SPACA7: variants seen among roughly 807,000 people sequenced by gnomAD.
SPACA7 encodes the protein sperm acrosome-associated protein 7.
Under a neutral mutation model 26.3 loss-of-function variants are expected in SPACA7, and 19 were observed. The ratio of observed to expected loss-of-function variants is 0.72; its 90% CI spans 0.50 to 1.06. SPACA7 has a LOEUF of 1.06. Among genes scored for constraint, SPACA7 ranks in the 50% least tolerant of loss-of-function variants. The probability of loss-of-function intolerance (pLI) is 0.00; values close to 1 mark genes in which losing one functional copy is unlikely to be tolerated. For synonymous variants in SPACA7, 84 were observed against 84.5 expected, an observed-to-expected ratio of 0.99 and a Z score of 0.04; for missense variants, 211 against 229.9, an observed-to-expected ratio of 0.92 and a Z score of 0.53.
At chr13:112,391,503 C>T (rs1372940026) in intron 1 of SPACA7, among the ~76,000 whole-genome samples, 4 of 152,170 alleles carry the variant, frequency 2.6e-5, no homozygotes, top group African/African-American at 4.8e-5. Context: ...ACAGGGAACC[C>T]TTTCACGGAG....
intron 6 of SPACA7, among the ~76,000 whole-genome samples, chr13:112,433,023 G>C (rs1877323928): frequency 1.3e-5 from 2 of 152,178 alleles, no homozygotes; most frequent in Admixed American, 1.3e-4. Context: ...AGATCCTGTG[G>C]CTTCTGTCCC....
chr13:112,432,205 T>C (rs1164828494), intron 5 of SPACA7, among the ~76,000 whole-genome samples: 3 of 152,136 alleles, frequency 2.0e-5, no homozygotes, highest in Non-Finnish European at 4.4e-5. Context: ...CACAAAGATG[T>C]AGGACTCCAC....
intron 5 of SPACA7, among the ~76,000 whole-genome samples, chr13:112,426,533 C>A (rs76827091): frequency 0.033 from 4,986 of 152,298 alleles, 94 homozygotes; most frequent in Middle Eastern, 0.065. Flanking sequence ...GTCTTCCTAC[C>A]TATGAGCAAC....
chr13:112,382,316 T>C, intron 1 of SPACA7: 2 of 1,021,256 alleles, frequency 2.0e-6, no homozygotes, highest in Non-Finnish European at 2.8e-6. Flanking sequence ...CAGAGGCGCC[T>C]CTCGATTTCT....
intron 5 of SPACA7, among the ~76,000 whole-genome samples, chr13:112,423,910 A>AT (rs933223432): frequency 1.3e-5 from 2 of 152,328 alleles, no homozygotes; most frequent in Non-Finnish European, 2.9e-5. Context: ...TCTTCAAACG[A>AT]TTTTTTTAAA....
chr13:112,387,798 T>C (rs879330527), intron 1 of SPACA7, among the ~76,000 whole-genome samples: 2 of 152,212 alleles, frequency 1.3e-5, no homozygotes, highest in Non-Finnish European at 2.9e-5. Context: ...TGCAAGATGC[T>C]GCCCAGTGGG....
At chr13:112,382,260 T>C (rs1042381684) in intron 1 of SPACA7, 4 of 576,270 alleles carry the variant, frequency 6.9e-6, no homozygotes, top group Admixed American at 7.1e-5. Flanking sequence ...TTGTTTTGTT[T>C]TGTTTTGTTT....
chr13:112,415,150 C>A (rs1263371539), intron 5 of SPACA7, among the ~76,000 whole-genome samples: 1 of 152,238 alleles, frequency 6.6e-6, no homozygotes, highest in African/African-American at 2.4e-5. Flanking sequence ...CCCTCACTCA[C>A]TTCCCTCTGT....
chr13:112,383,091 A>AG (rs1325861928), intron 1 of SPACA7, among the ~76,000 whole-genome samples: 37 of 88,990 alleles, frequency 4.2e-4, no homozygotes, highest in African/African-American at 1.3e-3. Flanking sequence ...AAAAAGAAAG[A>AG]AAGAAAGAAG....
chr13:112,389,643 A>G (rs1251381390), intron 1 of SPACA7, among the ~76,000 whole-genome samples: 1 of 152,224 alleles, frequency 6.6e-6, no homozygotes, highest in Admixed American at 6.5e-5. Flanking sequence ...AATACCATCC[A>G]GAGGTAGAAA....
chr13:112,418,107 T>C (rs1256948006), intron 5 of SPACA7, among the ~76,000 whole-genome samples: 1 of 152,188 alleles, frequency 6.6e-6, no homozygotes, highest in Non-Finnish European at 1.5e-5. Flanking sequence ...TATTTGTGTT[T>C]GCCAACGTTG....
intron 4 of SPACA7, among the ~76,000 whole-genome samples, chr13:112,400,380 G>T (rs1388623257): frequency 1.3e-5 from 2 of 152,178 alleles, no homozygotes; most frequent in African/African-American, 4.8e-5. Context: ...TTGCCAACTG[G>T]CGAGTTTCTC....
At chr13:112,403,214 T>G (rs1336869824) in intron 5 of SPACA7, among the ~76,000 whole-genome samples, 4 of 152,176 alleles carry the variant, frequency 2.6e-5, no homozygotes, top group African/African-American at 9.6e-5. Flanking sequence ...GCCATCTATA[T>G]TTCCCTAGGA....
At chr13:112,412,324 T>G (rs1886403628) in intron 5 of SPACA7, among the ~76,000 whole-genome samples, 1 of 152,148 alleles carries the variant, frequency 6.6e-6, no homozygotes, top group African/African-American at 2.4e-5. Context: ...CAGAGTTGTT[T>G]GAGTTCCTTA....
chr13:112,383,045 A>AGAGAGAGAGAGAGAGAGAGAGAAAGG (rs781245231), intron 1 of SPACA7, among the ~76,000 whole-genome samples: 3 of 134,948 alleles, frequency 2.2e-5, no homozygotes, highest in Admixed American at 1.5e-4. Context: ...AGAGAGAAAG[A>AGAGAGAGAGAGAGAGAGAGAGAAAGG]CAGAAGGAAA....
chr13:112,421,890 A>T (rs942945814), intron 5 of SPACA7, among the ~76,000 whole-genome samples: 4 of 152,198 alleles, frequency 2.6e-5, no homozygotes, highest in African/African-American at 4.8e-5. Flanking sequence ...GTTCTGACTT[A>T]TAAGTGGAAG....
intron 6 of SPACA7, 26 bp from the exon 7 acceptor site, chr13:112,434,459 T>A (rs1366249469): frequency 1.3e-6 from 2 of 1,591,942 alleles, no homozygotes; most frequent in South Asian, 1.1e-5. Context: ...ACACTGCCAG[T>A]CTCAAAATCT....
intron 5 of SPACA7, among the ~76,000 whole-genome samples, chr13:112,431,950 C>A (rs916008940): frequency 2.0e-5 from 3 of 152,206 alleles, no homozygotes; most frequent in Non-Finnish European, 4.4e-5. Context: ...TCTTCCTGAG[C>A]AGCGGGGACC....
intron 1 of SPACA7, among the ~76,000 whole-genome samples, chr13:112,377,666 A>G (rs1883779014): frequency 6.6e-6 from 1 of 152,226 alleles, no homozygotes; most frequent in African/African-American, 2.4e-5. Flanking sequence ...AGCAGAAGCT[A>G]GGGTCAAGGC....
Sources: allele counts gnomAD v4.1 joint callset (sites outside exome capture counted in the v4.1 genomes callset), GRCh38; gene constraint gnomAD v4.1.1; transcripts MANE v1.5; gene names NCBI Gene and HGNC (gene_info 2026-07-23, HGNC 2026-07-21).